NSD2: variants seen among roughly 807,000 people sequenced by gnomAD.
NSD2 encodes nuclear receptor binding SET domain protein 2, also known as histone-lysine N-methyltransferase NSD2.
A neutral mutation model predicts 139.0 loss-of-function variants in NSD2; 12 were observed. That is an observed-to-expected ratio of 0.09 (90% CI 0.06 to 0.14). The LOEUF (loss-of-function observed/expected upper bound fraction) is 0.14. Ranked by LOEUF, NSD2 falls within the 10% of genes least tolerant of loss-of-function variation. The pLI, the probability that NSD2 is intolerant of heterozygous loss-of-function variation, is 1.00. For missense variants in NSD2, 1,155 were observed against 1,745.0 expected (o/e 0.66, Z 6.02); for synonymous variants, 669 against 648.7 (o/e 1.03, Z -0.48).
At chr4:1,960,071 C>G (rs1725218640) in intron 17 of NSD2, among the ~76,000 whole-genome samples, 1 of 152,070 alleles carries the variant, frequency 6.6e-6, no homozygotes, top group African/African-American at 2.4e-5. Context: ...GTTGCCCAGG[C>G]TCATTTCGAA....
intron 21 of NSD2, among the ~76,000 whole-genome samples, chr4:1,977,700 C>T (rs368725595): frequency 5.3e-5 from 8 of 150,526 alleles, no homozygotes; most frequent in East Asian, 4.0e-4. Context: ...TGCTTGAACC[C>T]GGGAGGCGGA....
chr4:1,900,341 C>T (rs115115779), intron 1 of NSD2, among the ~76,000 whole-genome samples: 234 of 152,304 alleles, frequency 1.5e-3, no homozygotes, highest in Non-Finnish European at 2.8e-3. Flanking sequence ...TCCATGGCCA[C>T]ACTGTAGATT....
Position 1,948,099 on chromosome 4 carries a change from A to G in NSD2, c.1882-2973A>G, listed in dbSNP as rs2108928804. 9.4e-7 allele frequency: 1 copy of G among 1,059,258 alleles called. No individual in the cohort carries two copies. The highest frequency in any genetic ancestry group is 5.2e-5 in the East Asian group (1 of 19,332). The allele number at this position is 1,059,258 out of a possible 1,614,324, so 65.6% of individuals were successfully genotyped here. A position where few individuals can be genotyped will look rare whatever the true frequency, so the allele number is the denominator to read the frequency against. The stretch of plus-strand genomic sequence containing the variant: ...AATGTATTTCTAAGGCAAATAGGCA[A>G]CTTGGTACTATCTTATTCTGAGTAG... On this transcript the variant is annotated intron_variant, in intron 9 of 21. Coordinates refer to ENST00000508803, the MANE Select transcript of NSD2 (RefSeq NM_001042424.3). The surrounding 1 kb of genome is among the most constrained non-coding windows in gnomAD (Gnocchi z 4.5).
chr4:1,940,230 T>C (rs1722950333), intron 9 of NSD2: 5 of 1,076,994 alleles, frequency 4.6e-6, no homozygotes, highest in East Asian at 4.8e-5. Context: ...CCTAGGCTCA[T>C]GGAGGAAGCC....
At chr4:1,900,200 A>G (rs184368968) in intron 1 of NSD2, among the ~76,000 whole-genome samples, 29 of 152,292 alleles carry the variant, frequency 1.9e-4, no homozygotes, top group African/African-American at 7.0e-4. Context: ...CTTTTATGCT[A>G]TTCCCTGTTG....
At chr4:1,946,768 C>T (rs1723676719) in intron 9 of NSD2, 1 of 1,049,306 alleles carries the variant, frequency 9.5e-7, no homozygotes, top group Non-Finnish European at 1.2e-6. Flanking sequence ...TCATCTGATT[C>T]CTATACTGGA....
At position 1,976,678 on chromosome 4, in the gene NSD2, C is replaced by T. The variant is rs201194790; in HGVS notation, c.3825C>T (p.Phe1275=). The T allele has an allele frequency of 7.2e-5, 114 of 1,575,214 alleles. 1 individual carries two copies. The highest frequency in any genetic ancestry group is 4.6e-5 in the Non-Finnish European group (53 of 1,160,548). Residue 1275 remains phenylalanine, a splice_region_variant and synonymous_variant, in exon 21 of 22, where the codon TTC becomes TTT. Coordinates refer to ENST00000508803, the MANE Select transcript of NSD2 (RefSeq NM_001042424.3). This position sits in a 1 kb window ranked among gnomAD's most constrained non-coding sequence, Gnocchi z 5.3. ...LSCLGLGKRP[F]GKWECPWHHC... Reference sequence around the variant, plus strand: ...GCCTGGGCCTTGGCAAGCGGCCCTTCGGTGGGTGTGCAGCCTCGCGGTGGC... The same window carrying T: ...GCCTGGGCCTTGGCAAGCGGCCCTTTGGTGGGTGTGCAGCCTCGCGGTGGC...
At chr4:1,875,901 CA>C (rs2108663016) in intron 1 of NSD2, among the ~76,000 whole-genome samples, 1 of 145,072 alleles carries the variant, frequency 6.9e-6, no homozygotes, top group South Asian at 2.2e-4. Context: ...AGCGAGACTC[CA>C]TCTCAAAAAA....
intron 18 of NSD2, among the ~76,000 whole-genome samples, chr4:1,968,428 G>A (rs1181168793): frequency 6.6e-6 from 1 of 152,168 alleles, no homozygotes; most frequent in African/African-American, 2.4e-5. Context: ...GTTCTGTGAG[G>A]GTGGAGGGAA....
Position 1,979,459 on chromosome 4 carries a change from T to C in NSD2, c.*550T>C, listed in dbSNP as rs918421145. 29 of 233,356 alleles carry C rather than the reference T, an allele frequency of 1.2e-4. No homozygotes were observed. Among genetic ancestry groups the C allele is most frequent in the African/African-American group, 4.2e-4 (19 of 45,478 alleles). 14.5% of individuals were successfully genotyped at this position (233,356 alleles called of 1,614,324 possible). ...TATCATTTTTTTGTACTAATGTGAA[T>C]TGTTCCTCAGAAACGCTTCTTTTCC... On this transcript the variant is annotated 3_prime_UTR_variant, in exon 22 of 22. Coordinates refer to ENST00000508803, the MANE Select transcript of NSD2 (RefSeq NM_001042424.3).
intron 3 of NSD2, among the ~76,000 whole-genome samples, chr4:1,908,747 GCT>G (rs754009089): frequency 6.6e-6 from 1 of 152,146 alleles, no homozygotes; most frequent in Non-Finnish European, 1.5e-5. Context: ...TGTGGGCTGT[GCT>G]TGTAGTCTGT....
chr4:1,969,858 C>G (rs1050846127), intron 18 of NSD2, among the ~76,000 whole-genome samples: 21 of 152,050 alleles, frequency 1.4e-4, no homozygotes, highest in African/African-American at 4.8e-4. Flanking sequence ...GATAGCCAGG[C>G]AGAAAGGAGA....
rs1347958157 is a variant in NSD2, at chr4:1,981,082, C to CTTAT, written c.*2176_*2179dup. 1 of 233,106 alleles carries CTTAT rather than the reference C, an allele frequency of 4.3e-6. No homozygotes were observed. Among genetic ancestry groups the CTTAT allele is most frequent in the Non-Finnish European group, 8.5e-6 (1 of 118,024 alleles). 14.4% of individuals were successfully genotyped at this position (233,106 alleles called of 1,614,324 possible). On this transcript the variant is annotated 3_prime_UTR_variant, in exon 22 of 22. Transcript: ENST00000508803. Reference sequence around the variant, plus strand: ...GTGCACTTTGGGGAGCAGATATTAACTTATTTTTGTGTTGGACAGTAGTGA... The same window carrying CTTAT: ...GTGCACTTTGGGGAGCAGATATTAACTTATTTATTTTTGTGTTGGACAGTAGTGA...
rs1242290026 is a variant in NSD2 at position 1,973,262 on chromosome 4, C to T, written c.3373-1601C>T. Among the ~76,000 whole-genome samples the T allele has an allele frequency of 6.6e-6, 1 of 152,134 alleles. No individual in the cohort carries two copies. The highest frequency in any genetic ancestry group is 2.4e-5 in the African/African-American group (1 of 41,432). On this transcript the variant is annotated intron_variant, in intron 18 of 21. Transcript: ENST00000508803. The surrounding 1 kb of genome is among the most constrained non-coding windows in gnomAD (Gnocchi z 5.5). ...GGCAACCCACAGATGAAAACTGGCC[C>T]GATAAGAAGGAAGTGGCACTGGGCC...
chr4:1,881,798 A>T (rs73202826), intron 1 of NSD2, among the ~76,000 whole-genome samples: 2 of 152,204 alleles, frequency 1.3e-5, no homozygotes, highest in Admixed American at 6.5e-5. Context: ...TAGGGAGGTT[A>T]TACCTGACAA....
At chr4:1,975,192 C>A in intron 19 of NSD2, 102 bp from the exon 20 acceptor site, 3 of 1,415,420 alleles carry the variant, frequency 2.1e-6, no homozygotes, top group East Asian at 2.3e-5. Context: ...AGTACAGATA[C>A]AAAAATAATA....
chr4:1,976,579 C>T lies in NSD2; in HGVS notation c.3726C>T (p.Cys1242=), dbSNP rs767759086. ...GEGKRQSEDE[C]FRCGDGGQLV... is the part of the protein sequence containing the mutation. ...GGAAGAGGCAGTCAGAGGACGAGTG[C>T]TTCCGCTGCGGTGATGGCGGGCAGC... Residue 1242 remains cysteine (C), a synonymous_variant, in exon 21 of 22, where the codon TGC becomes TGT. Coordinates refer to ENST00000508803, the MANE Select transcript of NSD2 (RefSeq NM_001042424.3). The surrounding 1 kb of genome is among the most constrained non-coding windows in gnomAD (Gnocchi z 5.3). The T allele has an allele frequency of 4.3e-6, 7 of 1,612,946 alleles. No homozygotes were observed. In the East Asian group the frequency reaches 1.3e-4, roughly 31 times the overall value.
chr4:1,883,891 C>T (rs1379848360), intron 1 of NSD2, among the ~76,000 whole-genome samples: 1 of 152,210 alleles, frequency 6.6e-6, no homozygotes, highest in Non-Finnish European at 1.5e-5. Flanking sequence ...CTCTTGTTCT[C>T]TGTTCATGGT....
chr4:1,874,752 C>A (rs943415613), intron 1 of NSD2, among the ~76,000 whole-genome samples: 1 of 152,016 alleles, frequency 6.6e-6, no homozygotes, highest in Non-Finnish European at 1.5e-5. Context: ...ATTTCTCTAT[C>A]CTTGGTGAAG....
Sources: gnomAD v4.1 joint callset for allele counts (sites outside exome capture counted in the v4.1 genomes callset) on GRCh38, gnomAD v4.1.1 for gene constraint, Gnocchi (gnomAD v3.1) non-coding constraint, MANE v1.5 for transcripts, NCBI Gene and HGNC (gene_info 2026-07-23, HGNC 2026-07-21) for gene names.